The following KPNA6 variants were observed in gnomAD, a reference collection of about 807,000 sequenced individuals.
KPNA6 encodes the protein karyopherin subunit alpha 6.
A neutral mutation model predicts 72.0 loss-of-function variants in KPNA6; 9 were observed. The observed-to-expected ratio is 0.13, with a 90% CI of 0.08 to 0.22. The LOEUF (loss-of-function observed/expected upper bound fraction) is 0.22. Among genes scored for constraint, KPNA6 ranks in the 10% least tolerant of loss-of-function variants. The pLI, the probability that KPNA6 is intolerant of heterozygous loss-of-function variation, is 1.00. For missense variants in KPNA6, 374 were observed against 655.7 expected, an observed-to-expected ratio of 0.57 and a Z score of 4.69; for synonymous variants, 219 against 242.1, an observed-to-expected ratio of 0.90 and a Z score of 0.89.
At position 32,174,830 on chromosome 1, in the gene KPNA6, A is replaced by G. The variant is rs1458043748; in HGVS notation, c.*3936A>G. ...CGCTAAACCATGGTAAACATCTTCA[A>G]TAGAACTACCCTAGAATTTAGTGAG... On this transcript the variant is annotated 3_prime_UTR_variant, in exon 14 of 14. Transcript: ENST00000373625. The G allele has an allele frequency of 1.3e-5, 2 of 152,224 alleles. No individual in the cohort carries two copies. The highest frequency in any genetic ancestry group is 1.9e-4 in the East Asian group (1 of 5,192). 9.4% of individuals were successfully genotyped at this position (152,224 alleles called of 1,614,324 possible). A position where few individuals can be genotyped will look rare whatever the true frequency, so the allele number is the denominator to read the frequency against.
intron 1 of KPNA6, among the ~76,000 whole-genome samples, chr1:32,121,095 T>C (rs1467856533): frequency 6.6e-6 from 1 of 152,184 alleles, no homozygotes; most frequent in East Asian, 1.9e-4. Context: ...CAGGCTGGTC[T>C]GGAATTCCTG....
rs75005236 is a variant in KPNA6 at position 32,137,016 on chromosome 1, T to G, written c.5-17572T>G. On this transcript the variant is annotated intron_variant, in intron 1 of 13. Coordinates refer to ENST00000373625, the MANE Select transcript of KPNA6 (RefSeq NM_012316.5). Reference sequence around the variant, plus strand: ...ACAATTAAAAAAGAATTACTTTGCTTTCCAAATATACTTGAGTGTTCTCTT... The same window carrying G: ...ACAATTAAAAAAGAATTACTTTGCTGTCCAAATATACTTGAGTGTTCTCTT... Among the ~76,000 whole-genome samples, 428 of 152,340 alleles carry G rather than the reference T, an allele frequency of 2.8e-3. 2 individuals carry two copies. Among genetic ancestry groups the G allele is most frequent in the Middle Eastern group, 0.02 (6 of 294 alleles).
chr1:32,112,818 A>T (rs1641263612), intron 1 of KPNA6, among the ~76,000 whole-genome samples: 1 of 152,148 alleles, frequency 6.6e-6, no homozygotes, highest in Non-Finnish European at 1.5e-5. Context: ...TTAATTAAGA[A>T]ATCCTTATTG....
chr1:32,124,032 C>CAAA lies in KPNA6; in HGVS notation c.4+15919_4+15921dup, dbSNP rs771086945. On this transcript the variant is annotated intron_variant, in intron 1 of 13. Transcript: ENST00000373625. ...CTGGCGACAGAGCAAGACTCTGTCT[C>CAAA]AAAAAAAAAAAAAAAAAAAAAAAGG... Among the ~76,000 whole-genome samples, 232 of 43,092 alleles carry CAAA rather than the reference C, an allele frequency of 5.4e-3. 11 individuals carry two copies. The highest frequency in any genetic ancestry group is 0.018 in the African/African-American group (210 of 11,412). The allele number at this position is 43,092 out of a possible 152,430, so 28.3% of individuals were successfully genotyped here. A position where few individuals can be genotyped will look rare whatever the true frequency, so the allele number is the denominator to read the frequency against.
intron 1 of KPNA6, among the ~76,000 whole-genome samples, chr1:32,143,451 G>A (rs905412733): frequency 4.0e-5 from 6 of 151,786 alleles, no homozygotes; most frequent in African/African-American, 1.5e-4. Flanking sequence ...CGGGCATGGT[G>A]GTGGGTGCCT....
chr1:32,156,937 A>G lies in KPNA6; in HGVS notation c.223A>G (p.Thr75Ala). 2.5e-6 allele frequency: 4 copies of G among 1,613,296 alleles called. No homozygotes were observed. The highest frequency in any genetic ancestry group is 3.4e-6 in the Non-Finnish European group (4 of 1,179,288). The change falls in exon 3 of 14, where the codon ACC becomes GCC. Residue 75 changes from threonine to alanine, a missense_variant. Coordinates refer to ENST00000373625, the MANE Select transcript of KPNA6 (RefSeq NM_012316.5). ...TCTCATGGACTCTTATGTGAGCTCT[A>G]CCACTGGGGTAAGGCCCCTGCATGT... ...SLLMDSYVSS[T>A]TGESVITREM...
rs373085364 is a variant in KPNA6, at chr1:32,170,009, C to T, written c.1372C>T (p.Arg458Cys). The change falls in exon 13 of 14, where the codon CGC becomes TGC. Residue 458 changes from arginine (R) to cysteine (C), a missense_variant. Around this residue, in one of 3 missense-constraint regions of KPNA6, gnomAD observed 34 missense variants for 110.5 expected, o/e 0.31. Transcript: ENST00000373625. ...ILRLGEQEGK[R>C]SGSGVNPYCG... ...GCGGCTTGGAGAGCAAGAGGGCAAG[C>T]GCAGTGGCTCAGGGGTCAATCCTTA... 25 of 1,614,100 alleles carry T rather than the reference C, an allele frequency of 1.5e-5. No individual in the cohort carries two copies. Among genetic ancestry groups the T allele is most frequent in the African/African-American group, 2.7e-5 (2 of 75,012 alleles).
intron 1 of KPNA6, among the ~76,000 whole-genome samples, chr1:32,123,583 A>G (rs550668779): frequency 6.6e-6 from 1 of 151,826 alleles, no homozygotes; most frequent in African/African-American, 2.4e-5. Context: ...TCTACCAAAG[A>G]TAAAAAATTA....
At chr1:32,145,172 G>T (rs1641908582) in intron 1 of KPNA6, among the ~76,000 whole-genome samples, 1 of 150,872 alleles carries the variant, frequency 6.6e-6, no homozygotes, top group South Asian at 2.1e-4. Flanking sequence ...GGTTAGCCAG[G>T]ATAGTCTCAA....
chr1:32,159,682 C>G, intron 6 of KPNA6, 151 bp downstream of exon 6: 1 of 774,718 alleles, frequency 1.3e-6, no homozygotes, highest in Non-Finnish European at 2.0e-6. Flanking sequence ...CTGGGACTTG[C>G]AACTGGTATC....
intron 1 of KPNA6, among the ~76,000 whole-genome samples, chr1:32,133,516 C>CAAAAAAAAAAA (rs56850687): frequency 2.3e-5 from 1 of 43,870 alleles, no homozygotes; most frequent in Non-Finnish European, 5.3e-5. Context: ...CTAGTCTCTA[C>CAAAAAAAAAAA]AAAAAAAAAA....
At chr1:32,138,948 G>A (rs188120477) in intron 1 of KPNA6, among the ~76,000 whole-genome samples, 156 of 152,174 alleles carry the variant, frequency 1.0e-3, no homozygotes, top group African/African-American at 3.7e-3. Flanking sequence ...GGAGGAAATC[G>A]TGGTTTCTGG....
chr1:32,165,138 C>T (rs528500936), intron 10 of KPNA6, among the ~76,000 whole-genome samples: 1 of 152,276 alleles, frequency 6.6e-6, no homozygotes, highest in East Asian at 1.9e-4. Flanking sequence ...AACTACTGGG[C>T]TTAAGCAATC....
intron 1 of KPNA6, among the ~76,000 whole-genome samples, chr1:32,128,091 T>C (rs1641565448): frequency 6.6e-6 from 1 of 152,002 alleles, no homozygotes; most frequent in South Asian, 2.1e-4. Flanking sequence ...TAGTCCCTTG[T>C]GGTACCTAGT....
intron 12 of KPNA6, among the ~76,000 whole-genome samples, chr1:32,169,626 T>TG (rs980340319): frequency 5.3e-5 from 8 of 150,556 alleles, no homozygotes; most frequent in African/African-American, 1.5e-4. Flanking sequence ...TTTTTTTTTT[T>TG]TTTGTATTTT....
At chr1:32,124,364 C>G (rs1236647890) in intron 1 of KPNA6, among the ~76,000 whole-genome samples, 1 of 151,648 alleles carries the variant, frequency 6.6e-6, no homozygotes. Flanking sequence ...CAGAGTGAGA[C>G]CTGTCTTTAA....
intron 1 of KPNA6, among the ~76,000 whole-genome samples, chr1:32,138,757 A>G (rs1641786448): frequency 6.6e-6 from 1 of 152,160 alleles, no homozygotes; most frequent in Non-Finnish European, 1.5e-5. Context: ...TACTAGAATC[A>G]TGAATAGAGT....
At chr1:32,118,204 G>A (rs950446984) in intron 1 of KPNA6, among the ~76,000 whole-genome samples, 3 of 151,966 alleles carry the variant, frequency 2.0e-5, no homozygotes, top group African/African-American at 4.8e-5. Context: ...GATTATAGAC[G>A]TGAGCCACCG....
intron 1 of KPNA6, among the ~76,000 whole-genome samples, chr1:32,150,841 G>A (rs1642018659): frequency 6.6e-6 from 1 of 151,790 alleles, no homozygotes; most frequent in Non-Finnish European, 1.5e-5. Context: ...TGGCCAGGAT[G>A]GTCTCAATCT....
Sources: allele counts gnomAD v4.1 joint callset (sites outside exome capture counted in the v4.1 genomes callset), GRCh38; gene constraint gnomAD v4.1.1; regional missense constraint gnomAD v4.1.1; transcripts MANE v1.5; gene names NCBI Gene and HGNC (gene_info 2026-07-23, HGNC 2026-07-21).